TMEM132D: variants seen among roughly 807,000 people sequenced by gnomAD.
TMEM132D encodes the protein transmembrane protein 132D.
A neutral mutation model predicts 62.3 loss-of-function variants in TMEM132D; 21 were observed. The observed-to-expected ratio is 0.34, with a 90% confidence interval of 0.24 to 0.49. The LOEUF is 0.49. Ranked by LOEUF, TMEM132D falls within the 20% of genes least tolerant of loss-of-function variation. The probability of loss-of-function intolerance (pLI) is 0.99; values close to 1 mark genes in which losing one functional copy is unlikely to be tolerated. For missense variants in TMEM132D, 1,346 were observed against 1,402.8 expected, an observed-to-expected ratio of 0.96 and a Z score of 0.65; for synonymous variants, 621 against 575.6, an observed-to-expected ratio of 1.08 and a Z score of -1.13.
chr12:129,263,609 G>A (rs918835261), intron 4 of TMEM132D, among the ~76,000 whole-genome samples: 1 of 151,984 alleles, frequency 6.6e-6, no homozygotes, highest in Admixed American at 6.6e-5. Context: ...GATCTAAATC[G>A]CATCTTGAAG....
chr12:129,343,316 T>C (rs1869560609), intron 3 of TMEM132D, among the ~76,000 whole-genome samples: 1 of 151,142 alleles, frequency 6.6e-6, no homozygotes, highest in Non-Finnish European at 1.5e-5. Flanking sequence ...CTCAGCAAAC[T>C]ATCACAAGGA....
At chr12:129,884,879 T>G (rs759842282) in intron 1 of TMEM132D, among the ~76,000 whole-genome samples, 3 of 152,202 alleles carry the variant, frequency 2.0e-5, no homozygotes, top group Middle Eastern at 3.2e-3. Context: ...CTCTGGTGTC[T>G]TTCAGATAGC....
At chr12:129,554,048 G>C (rs1876979758) in intron 2 of TMEM132D, among the ~76,000 whole-genome samples, 1 of 152,134 alleles carries the variant, frequency 6.6e-6, no homozygotes, top group Non-Finnish European at 1.5e-5. Flanking sequence ...TATAGTCCCA[G>C]TTTCTCCTCA....
At chr12:129,592,159 T>G (rs1878206347) in intron 2 of TMEM132D, among the ~76,000 whole-genome samples, 1 of 152,132 alleles carries the variant, frequency 6.6e-6, no homozygotes, top group Non-Finnish European at 1.5e-5. Flanking sequence ...CACTAAAATA[T>G]TCACCAAAAC....
Position 129,525,226 on chromosome 12 carries a change from G to GGTTTTT in TMEM132D, c.1115+5832_1115+5833insAAAAAC, listed in dbSNP as rs1336461549. 2.2e-4 allele frequency among the ~76,000 whole-genome samples: 15 copies of GGTTTTT among 67,396 alleles called. 5 individuals carry two copies. Among genetic ancestry groups the GGTTTTT allele is most frequent in the South Asian group, 6.5e-4 (1 of 1,536 alleles). 44.2% of individuals were successfully genotyped at this position (67,396 alleles called of 152,430 possible). On this transcript the variant is annotated intron_variant, in intron 3 of 8. Transcript: ENST00000422113. ...GGGTATGAGCCACGGTGCCCAGCCG[G>GGTTTTT]TTTTTTTTTTTTTTTTTTTTTTTTT... is the stretch of plus-strand genomic sequence containing the variant.
chr12:129,682,426 CTG>C (rs1292503479), intron 2 of TMEM132D, among the ~76,000 whole-genome samples: 4 of 152,160 alleles, frequency 2.6e-5, no homozygotes, highest in Non-Finnish European at 4.4e-5. Flanking sequence ...AGCTGCAACT[CTG>C]TGACTCTGGG....
At chr12:129,318,632 T>C (rs2135641371) in intron 4 of TMEM132D, among the ~76,000 whole-genome samples, 1 of 152,190 alleles carries the variant, frequency 6.6e-6, no homozygotes, top group Admixed American at 6.5e-5. Context: ...TTCCCAGTTG[T>C]AGTAGTGTGG....
chr12:129,432,363 G>T (rs1466060577), intron 3 of TMEM132D, among the ~76,000 whole-genome samples: 1 of 151,114 alleles, frequency 6.6e-6, no homozygotes, highest in Non-Finnish European at 1.5e-5. Flanking sequence ...GGATGGATGG[G>T]TGGATGGATT....
intron 1 of TMEM132D, among the ~76,000 whole-genome samples, chr12:129,862,713 A>C (rs887911714): frequency 2.6e-5 from 4 of 152,214 alleles, no homozygotes; most frequent in African/African-American, 9.6e-5. Flanking sequence ...AAGTATAAGT[A>C]GAGAATGAGT....
intron 5 of TMEM132D, among the ~76,000 whole-genome samples, chr12:129,157,772 G>C (rs1177514937): frequency 6.6e-6 from 1 of 152,122 alleles, no homozygotes; most frequent in Non-Finnish European, 1.5e-5. Flanking sequence ...TGGCTTCTTT[G>C]ATAATCGTAA....
At chr12:129,516,314 T>A (rs1385705822) in intron 3 of TMEM132D, among the ~76,000 whole-genome samples, 2 of 152,228 alleles carry the variant, frequency 1.3e-5, no homozygotes, top group Non-Finnish European at 2.9e-5. Flanking sequence ...GCCTCCCCAG[T>A]GTTTGAAACC....
chr12:129,690,217 T>G (rs1474152574), intron 2 of TMEM132D, among the ~76,000 whole-genome samples: 1 of 151,960 alleles, frequency 6.6e-6, no homozygotes, highest in Non-Finnish European at 1.5e-5. Context: ...TTAAGTAGAA[T>G]CAGTACACCA....
chr12:129,483,049 G>A (rs966092210), intron 3 of TMEM132D, among the ~76,000 whole-genome samples: 3 of 151,560 alleles, frequency 2.0e-5, no homozygotes, highest in Non-Finnish European at 4.4e-5. Flanking sequence ...CTTTTACTGC[G>A]AAATTCAAAT....
chr12:129,327,952 C>T lies in TMEM132D; in HGVS notation c.1299+9682G>A, dbSNP rs557162959. ...CTGAACTCATCTCCTTGTACCATTT[C>T]CCCACTCACTATCTCCAGTTGCACT... is the stretch of plus-strand genomic sequence containing the variant. On this transcript the variant is annotated intron_variant, in intron 4 of 8. Transcript: ENST00000422113. Among the ~76,000 whole-genome samples the T allele has an allele frequency of 3.5e-4, 54 of 152,328 alleles. 4 individuals are homozygous for T. The highest frequency in any genetic ancestry group is 1.3e-3 in the African/African-American group (53 of 41,576).
At position 129,371,733 on chromosome 12, in the gene TMEM132D, G is replaced by C. The variant is rs1260154146; in HGVS notation, c.1116-33916C>G. Among the ~76,000 whole-genome samples the C allele has an allele frequency of 1.3e-5, 2 of 152,064 alleles. No homozygotes were observed. The highest frequency in any genetic ancestry group is 2.9e-5 in the Non-Finnish European group (2 of 68,014). On this transcript the variant is annotated intron_variant, in intron 3 of 8. Coordinates refer to ENST00000422113, the MANE Select transcript of TMEM132D (RefSeq NM_133448.3). This position sits in a 1 kb window ranked among gnomAD's most constrained non-coding sequence, Gnocchi z 4.3. ...GATGGTGATGATGATGGGGTGTTTA[G>C]AACTGGAAAACATGGAAGTCTATAC...
chr12:129,527,502 T>G lies in TMEM132D; in HGVS notation c.1115+3557A>C, dbSNP rs187866266. 1.3e-4 allele frequency among the ~76,000 whole-genome samples: 20 copies of G among 152,332 alleles called. No homozygotes were observed. The East Asian group carries it at 3.5e-3, about 26-fold the overall frequency. On this transcript the variant is annotated intron_variant, in intron 3 of 8. Transcript: ENST00000422113. ...AAGAGATACTAGCCCTTAAAAGAGA[T>G]GAACTTCTCTTCAATCAAGTCTTGC... is the stretch of plus-strand genomic sequence containing the variant.
At chr12:129,502,609 C>G (rs1875187409) in intron 3 of TMEM132D, among the ~76,000 whole-genome samples, 1 of 151,904 alleles carries the variant, frequency 6.6e-6, no homozygotes, top group African/African-American at 2.4e-5. Context: ...TGTGAGTACC[C>G]TTTTCAGGCA....
At chr12:129,397,403 C>T (rs1459444169) in intron 3 of TMEM132D, among the ~76,000 whole-genome samples, 2 of 152,094 alleles carry the variant, frequency 1.3e-5, no homozygotes, top group Non-Finnish European at 2.9e-5. Flanking sequence ...TTAAAACATG[C>T]CCAGTCTAAA....
chr12:129,551,878 G>C (rs1177471889), intron 2 of TMEM132D, among the ~76,000 whole-genome samples: 1 of 152,126 alleles, frequency 6.6e-6, no homozygotes, highest in African/African-American at 2.4e-5. Flanking sequence ...AAAATAAAGA[G>C]AATAAAGAGA....
Sources: gnomAD v4.1 joint callset for allele counts (sites outside exome capture counted in the v4.1 genomes callset) on GRCh38, gnomAD v4.1.1 for gene constraint, Gnocchi (gnomAD v3.1) non-coding constraint, MANE v1.5 for transcripts, NCBI Gene and HGNC (gene_info 2026-07-23, HGNC 2026-07-21) for gene names.